Variants in DTL observed in about 807,000 individuals in gnomAD.
DTL encodes the protein denticleless protein homolog.
In DTL, 46 loss-of-function variants were observed where a neutral mutation model predicts 87.0. The observed-to-expected ratio is 0.53, with a 90% CI of 0.42 to 0.68. The LOEUF (loss-of-function observed/expected upper bound fraction) is 0.68. DTL is among the 30% of genes least tolerant of loss of function. The pLI, the probability that DTL is intolerant of heterozygous loss-of-function variation, is 0.00. For synonymous variants in DTL, 308 were observed against 311.2 expected, an observed-to-expected ratio of 0.99 and a Z score of 0.11; for missense variants, 737 against 869.4, an observed-to-expected ratio of 0.85 and a Z score of 1.91.
At chr1:212,071,851 T>G (rs1654681270) in intron 10 of DTL, among the ~76,000 whole-genome samples, 1 of 152,184 alleles carries the variant, frequency 6.6e-6, no homozygotes, top group Admixed American at 6.6e-5. Flanking sequence ...AATTTTTTTC[T>G]CTTGATATTG....
At chr1:212,070,512 A>G (rs1654638409) in intron 10 of DTL, among the ~76,000 whole-genome samples, 1 of 151,788 alleles carries the variant, frequency 6.6e-6, no homozygotes, top group South Asian at 2.1e-4. Context: ...TGGAAGGCTG[A>G]GGTAGGAGGA....
chr1:212,063,445 T>A (rs1558078734), intron 6 of DTL, among the ~76,000 whole-genome samples: 1 of 151,758 alleles, frequency 6.6e-6, no homozygotes, highest in Non-Finnish European at 1.5e-5. Context: ...CCCGCCACCA[T>A]GCCTGGCTAA....
rs756013063 is a variant in DTL, at chr1:212,035,989, C to T, written c.52+47C>T. 2.1e-5 allele frequency: 34 copies of T among 1,588,728 alleles called. 1 individual carries two copies. In the South Asian group the frequency reaches 2.7e-4, roughly 12 times the overall value. On this transcript the variant is annotated intron_variant, in intron 1 of 14. Coordinates refer to ENST00000366991, the MANE Select transcript of DTL (RefSeq NM_016448.4). ...TGCTCGGAGCTGGCGGAATTCATTT[C>T]CCCCGAAACACACGCCACCTCCGAC...
At chr1:212,038,702 G>A (rs1470674303) in intron 1 of DTL, among the ~76,000 whole-genome samples, 4 of 151,922 alleles carry the variant, frequency 2.6e-5, no homozygotes, top group South Asian at 2.1e-4. Context: ...GTCTGTCTTC[G>A]GTTTATTCTC....
At chr1:212,050,193 C>T (rs1667924930) in intron 5 of DTL, among the ~76,000 whole-genome samples, 3 of 152,018 alleles carry the variant, frequency 2.0e-5, no homozygotes, top group Non-Finnish European at 2.9e-5. Flanking sequence ...TTAAATCAAT[C>T]GATCTATCTA....
At chr1:212,090,982 C>T (rs1254103544) in intron 13 of DTL, among the ~76,000 whole-genome samples, 1 of 152,190 alleles carries the variant, frequency 6.6e-6, no homozygotes, top group South Asian at 2.1e-4. Context: ...CATTGCTCAA[C>T]AGTTTATATA....
chr1:212,100,979 G>T lies in DTL; in HGVS notation c.1989G>T (p.Leu663Phe). The T allele has an allele frequency of 2.5e-6, 4 of 1,614,134 alleles. No homozygotes were observed. Among genetic ancestry groups the T allele is most frequent in the Non-Finnish European group, 3.4e-6 (4 of 1,180,024 alleles). The stretch of plus-strand genomic sequence containing the variant: ...GTTCCCCAGAGAATAAAAACTGGTT[G>T]TTGGCCATGGCAGCCAAACGGAAGG... ...ENSSPENKNW[L>F]LAMAAKRKAE... Residue 663 changes from leucine to phenylalanine, a missense_variant, in exon 14 of 15, where the codon TTG becomes TTT. Physicochemically the swap from Leu to Phe is conservative, Grantham distance 22. Coordinates refer to ENST00000366991, the MANE Select transcript of DTL (RefSeq NM_016448.4).
chr1:212,043,600 C>T (rs373912653), intron 2 of DTL, among the ~76,000 whole-genome samples: 14 of 151,894 alleles, frequency 9.2e-5, no homozygotes, highest in Non-Finnish European at 1.3e-4. Flanking sequence ...GAGGCCAAGG[C>T]GGGTGGATCA....
At position 212,064,323 on chromosome 1, in the gene DTL, G is replaced by T. The variant is rs75228399; in HGVS notation, c.527-594G>T. Among the ~76,000 whole-genome samples the T allele has an allele frequency of 4.3e-3, 652 of 152,158 alleles. 3 individuals are homozygous for T. The highest frequency in any genetic ancestry group is 0.015 in the African/African-American group (622 of 41,472). On this transcript the variant is annotated intron_variant, in intron 6 of 14. Transcript: ENST00000366991. ...GACTTCCCCACTGACAACATCCTGT[G>T]CCTGAGTGGTACATTTGTTATAATC...
chr1:212,078,926 C>G (rs1386515929), intron 12 of DTL, among the ~76,000 whole-genome samples: 1 of 152,158 alleles, frequency 6.6e-6, no homozygotes, highest in African/African-American at 2.4e-5. Flanking sequence ...CCCATTGCCT[C>G]TGGTCTTTGA....
intron 6 of DTL, 30 bp downstream of exon 6, chr1:212,062,979 A>G (rs769510978): frequency 3.9e-6 from 6 of 1,535,756 alleles, no homozygotes; most frequent in Non-Finnish European, 5.4e-6. Flanking sequence ...ATTTTGAGAG[A>G]TTTGGGATTA....
At position 212,038,878 on chromosome 1, in the gene DTL, C is replaced by T. The variant is rs1024585148; in HGVS notation, c.52+2936C>T. Among the ~76,000 whole-genome samples the T allele has an allele frequency of 9.2e-5, 14 of 152,280 alleles. No homozygotes were observed. The East Asian group carries it at 2.7e-3, about 29-fold the overall frequency. On this transcript the variant is annotated intron_variant, in intron 1 of 14. Coordinates refer to ENST00000366991, the MANE Select transcript of DTL (RefSeq NM_016448.4). ...TTTTAAAAATAAAAATGCTATATCA[C>T]TCCTTTAAGTGTATCTAATATAATT...
In DTL at chr1:212,046,523, T is replaced by C. The variant is rs181489627; in HGVS notation, c.278-628T>C. ...GTTCTCGTTGTTCAGCTCCCACTTATGAGTGAGAACATACGGTGTTTGGTT... is the reference window on the plus strand; with the variant it reads ...GTTCTCGTTGTTCAGCTCCCACTTACGAGTGAGAACATACGGTGTTTGGTT... On this transcript the variant is annotated intron_variant, in intron 3 of 14. Coordinates refer to ENST00000366991, the MANE Select transcript of DTL (RefSeq NM_016448.4). 1.0e-3 allele frequency among the ~76,000 whole-genome samples: 153 copies of C among 152,050 alleles called. 1 individual carries two copies. The highest frequency in any genetic ancestry group is 5.3e-4 in the Non-Finnish European group (36 of 68,008).
chr1:212,089,883 G>T (rs983717138), intron 13 of DTL, among the ~76,000 whole-genome samples: 3 of 152,134 alleles, frequency 2.0e-5, no homozygotes, highest in African/African-American at 7.2e-5. Context: ...ATCCTGCCTT[G>T]TTAATCGGCA....
intron 5 of DTL, among the ~76,000 whole-genome samples, chr1:212,055,993 A>G (rs1668162796): frequency 6.6e-6 from 1 of 152,228 alleles, no homozygotes; most frequent in African/African-American, 2.4e-5. Context: ...CTGCAAGTCT[A>G]GGGACTGGCC....
intron 5 of DTL, among the ~76,000 whole-genome samples, chr1:212,054,400 A>C (rs1571949145): frequency 6.7e-6 from 1 of 148,552 alleles, no homozygotes; most frequent in Admixed American, 6.7e-5. Context: ...AGGTAAAACC[A>C]CACACACAAA....
At chr1:212,080,269 C>T (rs1654953433) in intron 12 of DTL, 2 of 165,560 alleles carry the variant, frequency 1.2e-5, no homozygotes, top group Non-Finnish European at 2.6e-5. Context: ...ACTGATTGAT[C>T]ATTTAACAGA....
In DTL at chr1:212,070,386, A is replaced by G. The variant is rs146258395; in HGVS notation, c.922+1683A>G. On this transcript the variant is annotated intron_variant, in intron 10 of 14. Coordinates refer to ENST00000366991, the MANE Select transcript of DTL (RefSeq NM_016448.4). ...TATAAACCCAAGCCGAGGCTGGCAGATCACTTGAGCCCAGGAGTTCGAGAC... is the reference window on the plus strand; with the variant it reads ...TATAAACCCAAGCCGAGGCTGGCAGGTCACTTGAGCCCAGGAGTTCGAGAC... 5.1e-3 allele frequency among the ~76,000 whole-genome samples: 783 copies of G among 152,300 alleles called. 4 individuals are homozygous for G. The highest frequency in any genetic ancestry group is 9.6e-3 in the Non-Finnish European group (653 of 68,022).
chr1:212,069,350 A>G (rs1020108098), intron 10 of DTL, among the ~76,000 whole-genome samples: 5 of 152,230 alleles, frequency 3.3e-5, no homozygotes, highest in Admixed American at 2.0e-4. Flanking sequence ...ATTATTTTTA[A>G]GAACATCAAT....
Sources: allele counts gnomAD v4.1 joint callset (sites outside exome capture counted in the v4.1 genomes callset), GRCh38; gene constraint gnomAD v4.1.1; transcripts MANE v1.5; gene names NCBI Gene and HGNC (gene_info 2026-07-23, HGNC 2026-07-21).